The following GALNTL6 variants were observed in gnomAD, a reference collection of about 807,000 sequenced individuals.
GALNTL6 encodes polypeptide N-acetylgalactosaminyltransferase-like 6.
In GALNTL6, 46 loss-of-function variants were observed where a neutral mutation model predicts 73.7. The observed-to-expected ratio is 0.62, with a 90% confidence interval of 0.49 to 0.80. The LOEUF is 0.80. Ranked by LOEUF, GALNTL6 falls within the 30% of genes least tolerant of loss-of-function variation. The pLI, the probability that GALNTL6 is intolerant of heterozygous loss-of-function variation, is 0.00. For missense variants in GALNTL6, 604 were observed against 755.0 expected, an observed-to-expected ratio of 0.80 and a Z score of 2.34; for synonymous variants, 259 against 263.7, an observed-to-expected ratio of 0.98 and a Z score of 0.17.
intron 5 of GALNTL6, among the ~76,000 whole-genome samples, chr4:172,733,677 C>A (rs1736283472): frequency 6.6e-6 from 1 of 152,172 alleles, no homozygotes. Context: ...TGCTCTCTTG[C>A]CTGCTGCCAT....
chr4:172,861,990 C>T (rs1380921413), intron 7 of GALNTL6, among the ~76,000 whole-genome samples: 3 of 152,112 alleles, frequency 2.0e-5, no homozygotes, highest in African/African-American at 7.2e-5. Flanking sequence ...TGAAAAGAGG[C>T]CCCAAAATGT....
At chr4:172,707,643 A>G (rs1366294528) in intron 5 of GALNTL6, among the ~76,000 whole-genome samples, 1 of 152,230 alleles carries the variant, frequency 6.6e-6, no homozygotes, top group Admixed American at 6.5e-5. Context: ...GACTTTATTC[A>G]GACCTGTCAG....
chr4:172,879,465 C>A (rs900623583), intron 7 of GALNTL6, among the ~76,000 whole-genome samples: 1 of 151,636 alleles, frequency 6.6e-6, no homozygotes, highest in African/African-American at 2.4e-5. Flanking sequence ...AAATTAATAA[C>A]CGAAGGATCT....
intron 5 of GALNTL6, among the ~76,000 whole-genome samples, chr4:172,772,721 G>A (rs573464553): frequency 3.7e-5 from 4 of 108,814 alleles, no homozygotes; most frequent in Non-Finnish European, 8.5e-5. Context: ...GGTAGGCTGA[G>A]TAGTGGCCCC....
At chr4:172,219,642 C>T (rs909013509) in intron 2 of GALNTL6, among the ~76,000 whole-genome samples, 2 of 151,838 alleles carry the variant, frequency 1.3e-5, no homozygotes, top group South Asian at 2.1e-4. Context: ...TGAAAAACAT[C>T]TCTGCTGGTA....
At chr4:172,173,083 A>T (rs888000027) in intron 2 of GALNTL6, among the ~76,000 whole-genome samples, 1 of 152,144 alleles carries the variant, frequency 6.6e-6, no homozygotes, top group Non-Finnish European at 1.5e-5. Context: ...TGGCCATTTG[A>T]TGTCATTTGT....
In GALNTL6 at chr4:172,997,440, G is replaced by A. The variant is rs566553245; in HGVS notation, c.1372-11738G>A. Among the ~76,000 whole-genome samples the A allele has an allele frequency of 9.2e-5, 14 of 152,230 alleles. No individual in the cohort carries two copies. In the East Asian group the frequency reaches 2.3e-3, roughly 25 times the overall value. On this transcript the variant is annotated intron_variant, in intron 10 of 12. Transcript: ENST00000506823. ...CAGATGAGGAAGTGAAATGATGCCCGTGAAAGCATCCAGTTCAGTAAGAAC... is the reference window on the plus strand; with the variant it reads ...CAGATGAGGAAGTGAAATGATGCCCATGAAAGCATCCAGTTCAGTAAGAAC...
intron 5 of GALNTL6, among the ~76,000 whole-genome samples, chr4:172,752,911 CTG>C (rs1042070039): frequency 6.6e-6 from 1 of 152,018 alleles, no homozygotes; most frequent in African/African-American, 2.4e-5. Flanking sequence ...TCTTTCAAAA[CTG>C]AGATGATATA....
intron 5 of GALNTL6, among the ~76,000 whole-genome samples, chr4:172,573,184 C>T (rs1736830304): frequency 6.6e-6 from 1 of 152,080 alleles, no homozygotes. Context: ...ATTGAATTTC[C>T]ATGCAAATGT....
At chr4:172,820,023 T>G (rs1418036121) in intron 7 of GALNTL6, among the ~76,000 whole-genome samples, 4 of 151,376 alleles carry the variant, frequency 2.6e-5, no homozygotes, top group African/African-American at 9.7e-5. Context: ...CAAAACACGT[T>G]CAGGACACTG....
chr4:172,166,393 C>T (rs1734626299), intron 2 of GALNTL6, among the ~76,000 whole-genome samples: 1 of 151,946 alleles, frequency 6.6e-6, no homozygotes, highest in South Asian at 2.1e-4. Flanking sequence ...TTGCAGTGAG[C>T]CGAGATCACA....
At chr4:173,029,290 T>G (rs1424094880) in intron 12 of GALNTL6, among the ~76,000 whole-genome samples, 2 of 152,216 alleles carry the variant, frequency 1.3e-5, no homozygotes, top group Non-Finnish European at 2.9e-5. Flanking sequence ...GGCCTTTGAT[T>G]ACCACACAGA....
Position 171,952,437 on chromosome 4 carries a change from T to C in GALNTL6, c.138+137719T>C, listed in dbSNP as rs192764947. Among the ~76,000 whole-genome samples the C allele has an allele frequency of 8.5e-4, 130 of 152,112 alleles. No homozygotes were observed. The East Asian group carries it at 0.016, about 19-fold the overall frequency. ...TATATACAATATGAGAAAAAAATTATAAACCAATCTCAACTATTAAATTAA... is the reference window on the plus strand; with the variant it reads ...TATATACAATATGAGAAAAAAATTACAAACCAATCTCAACTATTAAATTAA... On this transcript the variant is annotated intron_variant, in intron 2 of 12. Coordinates refer to ENST00000506823, the MANE Select transcript of GALNTL6 (RefSeq NM_001034845.3).
intron 5 of GALNTL6, among the ~76,000 whole-genome samples, chr4:172,744,189 A>C (rs531335648): frequency 6.6e-6 from 1 of 152,132 alleles, no homozygotes; most frequent in African/African-American, 2.4e-5. Context: ...AAAGGTTAAC[A>C]TTCCATTTAC....
chr4:172,055,985 C>G (rs187106056), intron 2 of GALNTL6, among the ~76,000 whole-genome samples: 1 of 152,078 alleles, frequency 6.6e-6, no homozygotes, highest in Non-Finnish European at 1.5e-5. Flanking sequence ...CAATTCAATA[C>G]TTTGTCTACT....
chr4:172,747,808 A>G (rs1319241141), intron 5 of GALNTL6, among the ~76,000 whole-genome samples: 1 of 150,472 alleles, frequency 6.6e-6, no homozygotes, highest in African/African-American at 2.4e-5. Flanking sequence ...TGTGGCATAT[A>G]TACACAATGG....
chr4:172,409,571 T>C (rs544747425), intron 5 of GALNTL6, among the ~76,000 whole-genome samples: 56 of 152,002 alleles, frequency 3.7e-4, no homozygotes, highest in African/African-American at 1.2e-3. Context: ...AGCTCTAATC[T>C]CATGAATATC....
At chr4:172,382,852 G>A (rs1743334114) in intron 5 of GALNTL6, among the ~76,000 whole-genome samples, 1 of 151,954 alleles carries the variant, frequency 6.6e-6, no homozygotes, top group Non-Finnish European at 1.5e-5. Flanking sequence ...CCATAATTGG[G>A]TTGAAAAGGC....
intron 5 of GALNTL6, among the ~76,000 whole-genome samples, chr4:172,588,235 T>G (rs965303959): frequency 6.6e-6 from 1 of 152,174 alleles, no homozygotes; most frequent in African/African-American, 2.4e-5. Context: ...TCTTAAATTA[T>G]AGCACACTTT....
Sources: gnomAD v4.1 joint callset for allele counts (sites outside exome capture counted in the v4.1 genomes callset) on GRCh38, gnomAD v4.1.1 for gene constraint, MANE v1.5 for transcripts, NCBI Gene and HGNC (gene_info 2026-07-23, HGNC 2026-07-21) for gene names.